Variants in FRRS1L observed in about 807,000 individuals in gnomAD.
FRRS1L encodes ferric chelate reductase 1 like.
In FRRS1L, 22 loss-of-function variants were observed where a neutral mutation model predicts 28.6. That is an observed-to-expected ratio of 0.77 (90% confidence interval 0.55 to 1.10). FRRS1L has a LOEUF of 1.10. Among genes scored for constraint, FRRS1L ranks in the 50% least tolerant of loss-of-function variants. The pLI is 0.00. For missense variants in FRRS1L, 380 were observed against 386.9 expected, an observed-to-expected ratio of 0.98 and a Z score of 0.15; for synonymous variants, 158 against 151.4, an observed-to-expected ratio of 1.04 and a Z score of -0.32.
intron 3 of FRRS1L, among the ~76,000 whole-genome samples, chr9:109,142,293 T>TAGTAGCAGTAGC (rs11278156): frequency 6.6e-6 from 1 of 151,972 alleles, no homozygotes; most frequent in South Asian, 2.1e-4. Context: ...TAATCAGTAG[T>TAGTAGCAGTAGC]AGTAGCAGTA....
intron 4 of FRRS1L, chr9:109,141,107 T>C (rs1343005494): frequency 1.8e-6 from 1 of 566,374 alleles, no homozygotes; most frequent in Non-Finnish European, 3.2e-6. Flanking sequence ...CATGACATAC[T>C]ATCTTGTACT....
intron 1 of FRRS1L, among the ~76,000 whole-genome samples, chr9:109,157,762 T>C (rs1831429539): frequency 6.6e-6 from 1 of 152,230 alleles, no homozygotes; most frequent in African/African-American, 2.4e-5. Flanking sequence ...ATTTGGATAC[T>C]ATACTGTTAC....
intron 3 of FRRS1L, among the ~76,000 whole-genome samples, chr9:109,142,820 A>AT (rs933786211): frequency 3.1e-3 from 148 of 48,054 alleles, no homozygotes; most frequent in African/African-American, 7.1e-3. Flanking sequence ...AAATAAAAAT[A>AT]AAAAAAAAAA....
intron 1 of FRRS1L, among the ~76,000 whole-genome samples, chr9:109,152,935 C>T (rs943627451): frequency 6.7e-6 from 1 of 149,446 alleles, no homozygotes; most frequent in Admixed American, 6.7e-5. Context: ...TGGCAAATGG[C>T]TTCTCAGGAC....
Position 109,141,449 on chromosome 9 carries a change from G to A in FRRS1L, c.603C>T (p.Arg201=), listed in dbSNP as rs1300082493. The A allele has an allele frequency of 7.4e-6, 12 of 1,614,100 alleles. No homozygotes were observed. The highest frequency in any genetic ancestry group is 3.3e-5 in the Admixed American group (2 of 60,016). The change falls in exon 4 of 5, where the codon CGC becomes CGT. Residue 201 remains arginine (R), a synonymous_variant. Transcript: ENST00000561981. The part of the protein sequence containing the change: ...RDEEGVFENN[R]VTCRFKRPVN... ...CAGGGCGTTTAAATCTGCAGGTGACGCGATTGTTCTCAAAAACTCCTTCTT... is the reference window on the plus strand; with the variant it reads ...CAGGGCGTTTAAATCTGCAGGTGACACGATTGTTCTCAAAAACTCCTTCTT...
chr9:109,161,073 C>T lies in FRRS1L; in HGVS notation c.238+5828G>A, dbSNP rs148649531. Among the ~76,000 whole-genome samples, 59 of 152,168 alleles carry T rather than the reference C, an allele frequency of 3.9e-4. 1 individual carries two copies. The highest frequency in any genetic ancestry group is 1.4e-3 in the African/African-American group (58 of 41,538). ...CCAACGTGCTGGGATTACAGGCCGCCTCACCCGGCCTGAAGCAGAAATCTA... is the reference window on the plus strand; with the variant it reads ...CCAACGTGCTGGGATTACAGGCCGCTTCACCCGGCCTGAAGCAGAAATCTA... On this transcript the variant is annotated intron_variant, in intron 1 of 4. Coordinates refer to ENST00000561981, the MANE Select transcript of FRRS1L (RefSeq NM_014334.4).
At chr9:109,152,235 T>C (rs1408135841) in intron 1 of FRRS1L, 1 of 152,090 alleles carries the variant, frequency 6.6e-6, no homozygotes, top group Non-Finnish European at 1.5e-5. Context: ...CTGTAACCTC[T>C]GCCTCTTGGG....
chr9:109,146,918 T>C, intron 3 of FRRS1L, 133 bp downstream of exon 3: 1 of 830,242 alleles, frequency 1.2e-6, no homozygotes. Flanking sequence ...CTGAATTTTT[T>C]TTAACTTGCA....
intron 1 of FRRS1L, among the ~76,000 whole-genome samples, chr9:109,165,126 T>C (rs1359400309): frequency 1.3e-5 from 2 of 152,258 alleles, no homozygotes; most frequent in East Asian, 3.8e-4. Context: ...AGTGTAAAGA[T>C]ACATTAGATG....
chr9:109,137,689 G>T, intron 4 of FRRS1L, 62 bp from the exon 5 acceptor site: 1 of 1,043,286 alleles, frequency 9.6e-7, no homozygotes, highest in Non-Finnish European at 1.3e-6. Context: ...TAATGGTATA[G>T]GCAAACAATG....
intron 2 of FRRS1L, 68 bp downstream of exon 2, chr9:109,149,568 T>A: frequency 9.2e-7 from 1 of 1,086,078 alleles, no homozygotes; most frequent in South Asian, 1.3e-5. Flanking sequence ...CTGCATGCAA[T>A]TTAAATACTA....
chr9:109,149,518 T>C (rs2118487492), intron 2 of FRRS1L, 118 bp downstream of exon 2: 2 of 680,130 alleles, frequency 2.9e-6, no homozygotes, highest in Non-Finnish European at 5.2e-6. Flanking sequence ...ATAACCCTGC[T>C]GAGGTGATCA....
chr9:109,145,614 A>AG (rs1436798624), intron 3 of FRRS1L, among the ~76,000 whole-genome samples: 1 of 150,782 alleles, frequency 6.6e-6, no homozygotes, highest in Non-Finnish European at 1.5e-5. Context: ...TGGGAGCCCG[A>AG]GGCAGAAAAA....
intron 1 of FRRS1L, among the ~76,000 whole-genome samples, chr9:109,161,371 A>T (rs1276677564): frequency 1.3e-5 from 2 of 152,096 alleles, no homozygotes; most frequent in Non-Finnish European, 2.9e-5. Context: ...GGGGTTTTTT[A>T]AAAAAGGGTG....
chr9:109,156,454 TCTC>T (rs1395594860), intron 1 of FRRS1L, among the ~76,000 whole-genome samples: 1 of 152,152 alleles, frequency 6.6e-6, no homozygotes, highest in South Asian at 2.1e-4. Context: ...AGTGGCACGA[TCTC>T]GCCTCACTGC....
intron 4 of FRRS1L, 171 bp downstream of exon 4, chr9:109,141,172 A>G (rs1435703773): frequency 1.5e-6 from 1 of 662,580 alleles, no homozygotes; most frequent in Non-Finnish European, 2.6e-6. Context: ...TAATAAGTCC[A>G]TTATAATAAG....
chr9:109,143,779 T>C (rs1831219825), intron 3 of FRRS1L, among the ~76,000 whole-genome samples: 1 of 152,026 alleles, frequency 6.6e-6, no homozygotes, highest in Non-Finnish European at 1.5e-5. Context: ...CCTCCCAAAG[T>C]TCTGGGATTG....
intron 1 of FRRS1L, chr9:109,150,325 C>T (rs187632634): frequency 6.6e-6 from 1 of 152,324 alleles, no homozygotes; most frequent in African/African-American, 2.4e-5. Context: ...AAGGGATTCT[C>T]TTGTCTCAGC....
chr9:109,161,618 C>T (rs1406093857), intron 1 of FRRS1L, among the ~76,000 whole-genome samples: 1 of 152,168 alleles, frequency 6.6e-6, no homozygotes, highest in Non-Finnish European at 1.5e-5. Context: ...ATTCAAGAAA[C>T]TATCTGTTCC....
Sources: allele counts gnomAD v4.1 joint callset (sites outside exome capture counted in the v4.1 genomes callset), GRCh38; gene constraint gnomAD v4.1.1; transcripts MANE v1.5; gene names NCBI Gene and HGNC (gene_info 2026-07-23, HGNC 2026-07-21).